Variants in S100PBP observed in about 807,000 individuals in gnomAD.
The protein encoded by S100PBP is S100P binding protein.
A neutral mutation model predicts 39.9 loss-of-function variants in S100PBP; 15 were observed. The observed-to-expected ratio is 0.38, with a 90% CI of 0.25 to 0.58. S100PBP has a LOEUF of 0.58. Ranked by LOEUF, S100PBP falls within the 20% of genes least tolerant of loss-of-function variation. S100PBP has a pLI of 0.70. For missense variants in S100PBP, 504 were observed against 487.3 expected (o/e 1.03, Z -0.32); for synonymous variants, 178 against 180.3 (o/e 0.99, Z 0.10).
chr1:32,845,296 C>T (rs904831581), intron 5 of S100PBP, among the ~76,000 whole-genome samples: 3 of 151,960 alleles, frequency 2.0e-5, no homozygotes, highest in East Asian at 3.9e-4. Context: ...AGACAGTAGC[C>T]GAGTGTTGTG....
rs1160697389 is a variant in S100PBP, at chr1:32,825,428, C to T, written c.-4C>T. The T allele has an allele frequency of 6.6e-6, 1 of 152,208 alleles. No individual in the cohort carries two copies. The highest frequency in any genetic ancestry group is 1.5e-5 in the Non-Finnish European group (1 of 68,048). 9.4% of individuals were successfully genotyped at this position (152,208 alleles called of 1,614,324 possible). On this transcript the variant is annotated splice_region_variant and 5_prime_UTR_variant, in exon 2 of 7. Transcript: ENST00000373475. The stretch of plus-strand genomic sequence containing the variant: ...CAGAGATTGCTCCAGCAGCTCCACA[C>T]AGTATGGAAGACAGTTATTTACCTT...
intron 6 of S100PBP, among the ~76,000 whole-genome samples, chr1:32,854,149 A>T (rs1252573837): frequency 6.6e-6 from 1 of 152,038 alleles, no homozygotes; most frequent in Non-Finnish European, 1.5e-5. Flanking sequence ...CTCACCCCAT[A>T]TTCAGTCTAT....
Position 32,857,989 on chromosome 1 carries a change from A to G in S100PBP, c.*1951A>G, listed in dbSNP as rs558464852. 2.0e-5 allele frequency: 3 copies of G among 152,358 alleles called. No individual in the cohort carries two copies. Among genetic ancestry groups the G allele is most frequent in the African/African-American group, 4.8e-5 (2 of 41,592 alleles). The allele number at this position is 152,358 out of a possible 1,614,324, so 9.4% of individuals were successfully genotyped here. On this transcript the variant is annotated 3_prime_UTR_variant, in exon 7 of 7. Coordinates refer to ENST00000373475, the MANE Select transcript of S100PBP (RefSeq NM_022753.4). ...TGAAATCTATTATTTTAGTTAGCCT[A>G]CTTGGCATTTACTACATCGGTCACT...
At chr1:32,847,142 T>C (rs937996020) in intron 5 of S100PBP, among the ~76,000 whole-genome samples, 1 of 152,208 alleles carries the variant, frequency 6.6e-6, no homozygotes, top group Admixed American at 6.5e-5. Flanking sequence ...TTATATGCAC[T>C]CACATACTTA....
In S100PBP at chr1:32,826,470, G is replaced by C; in HGVS notation, c.371G>C (p.Gly124Ala). The stretch of plus-strand genomic sequence containing the variant: ...CTACCTCAGCTAAGTACATCAAGTG[G>C]TCATGGACCAGCTCATACTAAACCA... Reference protein sequence around the residue: ...FKLPQLSTSSGHGPAHTKPLN... With the variant: ...FKLPQLSTSSAHGPAHTKPLN... The change falls in exon 3 of 7, where the codon GGT becomes GCT. Residue 124 changes from glycine to alanine, a missense_variant. Gly to Ala is a moderately conservative substitution (Grantham distance 60, BLOSUM62 0). Transcript: ENST00000373475. The C allele has an allele frequency of 6.2e-7, 1 of 1,614,094 alleles. No individual in the cohort carries two copies. The highest frequency in any genetic ancestry group is 8.5e-7 in the Non-Finnish European group (1 of 1,180,014).
chr1:32,830,550 G>A (rs1489063382), intron 5 of S100PBP, among the ~76,000 whole-genome samples: 1 of 152,184 alleles, frequency 6.6e-6, no homozygotes, highest in East Asian at 1.9e-4. Flanking sequence ...CCTTCAAGTT[G>A]TGTTCTCCCC....
upstream of S100PBP, chr1:32,817,397 G>T: frequency 1.1e-6 from 1 of 916,578 alleles, no homozygotes; most frequent in Non-Finnish European, 1.7e-6. Context: ...GACCCCTCCG[G>T]CAGCGGCCGG....
Position 32,826,764 on chromosome 1 carries a change from CT to C in S100PBP, c.666del (p.Val223SerfsTer44). ...LSSSNNNFQQ[T>X]VSDKNMPDSE... ...TCTTCAAACAATAACTTTCAACAGACTGTCTCTGATAAAAATATGCCTGACA... is the reference window on the plus strand; with the variant it reads ...TCTTCAAACAATAACTTTCAACAGACGTCTCTGATAAAAATATGCCTGACA... On this transcript the variant is annotated frameshift_variant, in exon 3 of 7. Transcript: ENST00000373475. LOFTEE classifies it high-confidence loss of function. 2 of 1,614,152 alleles carry C rather than the reference CT, an allele frequency of 1.2e-6. No homozygotes were observed. Among genetic ancestry groups the C allele is most frequent in the Non-Finnish European group, 1.7e-6 (2 of 1,180,016 alleles).
At chr1:32,843,732 T>C (rs968547224) in intron 5 of S100PBP, among the ~76,000 whole-genome samples, 2 of 151,722 alleles carry the variant, frequency 1.3e-5, no homozygotes, top group Non-Finnish European at 2.9e-5. Flanking sequence ...GGATTACAGG[T>C]GTGAGCCACC....
At chr1:32,826,024 C>T (rs1453880921) in intron 2 of S100PBP, 74 bp from the exon 3 acceptor site, 1 of 997,964 alleles carries the variant, frequency 1.0e-6, no homozygotes, top group Non-Finnish European at 1.5e-6. Flanking sequence ...TAGAACATTA[C>T]CCACATATAG....
At position 32,822,577 on chromosome 1, in the gene S100PBP, C is replaced by T. The variant is rs561295933; in HGVS notation, c.-119-2736C>T. On this transcript the variant is annotated intron_variant, in intron 1 of 6. Coordinates refer to ENST00000373475, the MANE Select transcript of S100PBP (RefSeq NM_022753.4). ...CAGAGCTTGCAGTGAGCCGAGATCGCGCCACTGCACTCCAGTCTGGGCTAC... is the reference window on the plus strand; with the variant it reads ...CAGAGCTTGCAGTGAGCCGAGATCGTGCCACTGCACTCCAGTCTGGGCTAC... 1.5e-3 allele frequency among the ~76,000 whole-genome samples: 217 copies of T among 147,354 alleles called. 2 individuals are homozygous for T. The highest frequency in any genetic ancestry group is 4.2e-3 in the African/African-American group (166 of 39,662).
Position 32,857,159 on chromosome 1 carries a change from C to A in S100PBP, c.*1121C>A, listed in dbSNP as rs1640846356. On this transcript the variant is annotated 3_prime_UTR_variant, in exon 7 of 7. Transcript: ENST00000373475. ...ATGTTACCATCTCATTTGGTCAAGC[C>A]CCTGATACCTAGTTTCACATGGATG... is the stretch of plus-strand genomic sequence containing the variant. 6.6e-6 allele frequency: 1 copy of A among 152,064 alleles called. No homozygotes were observed. The highest frequency in any genetic ancestry group is 1.5e-5 in the Non-Finnish European group (1 of 68,012). 9.4% of individuals were successfully genotyped at this position (152,064 alleles called of 1,614,324 possible).
chr1:32,840,744 A>G (rs922357817), intron 5 of S100PBP, among the ~76,000 whole-genome samples: 1 of 152,148 alleles, frequency 6.6e-6, no homozygotes, highest in African/African-American at 2.4e-5. Flanking sequence ...ATGTGTAGTG[A>G]TATCTCATTG....
intron 5 of S100PBP, among the ~76,000 whole-genome samples, chr1:32,834,270 C>A (rs1639724847): frequency 6.6e-6 from 1 of 151,958 alleles, no homozygotes; most frequent in Non-Finnish European, 1.5e-5. Context: ...ATTCCATATT[C>A]CAATTTCCTT....
chr1:32,831,093 A>AT (rs397732209), intron 5 of S100PBP, among the ~76,000 whole-genome samples: 4 of 151,392 alleles, frequency 2.6e-5, no homozygotes, highest in African/African-American at 9.7e-5. Flanking sequence ...AAAAAAAAAA[A>AT]TCACTCCATA....
chr1:32,848,187 A>G (rs140875795), intron 5 of S100PBP, among the ~76,000 whole-genome samples: 1,598 of 152,196 alleles, frequency 0.01, 13 homozygotes, highest in Middle Eastern at 0.031. Flanking sequence ...GGCACCTGTA[A>G]TCCCAGCTAC....
At position 32,858,802 on chromosome 1, in the gene S100PBP, C is replaced by G. The variant is rs1259336786; in HGVS notation, c.*2764C>G. The G allele has an allele frequency of 6.6e-6, 1 of 151,222 alleles. No individual in the cohort carries two copies. The highest frequency in any genetic ancestry group is 1.5e-5 in the Non-Finnish European group (1 of 68,026). The allele number at this position is 151,222 out of a possible 1,614,324, so 9.4% of individuals were successfully genotyped here. A position where few individuals can be genotyped will look rare whatever the true frequency, so the allele number is the denominator to read the frequency against. ...ATGAAACTGAAGTTTGGTGCCTCCT[C>G]TTTATCATGTTTTTTCCCTTGTAGC... is the stretch of plus-strand genomic sequence containing the variant. On this transcript the variant is annotated 3_prime_UTR_variant, in exon 7 of 7. Transcript: ENST00000373475.
chr1:32,850,657 TAAAG>T (rs1640570918), intron 5 of S100PBP, among the ~76,000 whole-genome samples: 1 of 152,328 alleles, frequency 6.6e-6, no homozygotes, highest in South Asian at 2.1e-4. Flanking sequence ...TTTTAAAAAA[TAAAG>T]AGACTGTAGA....
chr1:32,827,188 G>A (rs917705589), intron 3 of S100PBP, among the ~76,000 whole-genome samples: 1 of 152,060 alleles, frequency 6.6e-6, no homozygotes, highest in Non-Finnish European at 1.5e-5. Context: ...ATCTAAATTG[G>A]AGTAAATAAT....
Sources: gnomAD v4.1 joint callset for allele counts (sites outside exome capture counted in the v4.1 genomes callset) on GRCh38, gnomAD v4.1.1 for gene constraint, MANE v1.5 for transcripts, NCBI Gene and HGNC (gene_info 2026-07-23, HGNC 2026-07-21) for gene names.